Variants in DNAJC6 observed in about 807,000 individuals in gnomAD.
The protein encoded by DNAJC6 is auxilin.
A neutral mutation model predicts 110.0 loss-of-function variants in DNAJC6; 34 were observed. The ratio of observed to expected loss-of-function variants is 0.31; its 90% CI spans 0.24 to 0.41. The LOEUF is 0.41. Among genes scored for constraint, DNAJC6 ranks in the 10% least tolerant of loss-of-function variants. The probability of loss-of-function intolerance (pLI) is 1.00; values close to 1 mark genes in which losing one functional copy is unlikely to be tolerated. For synonymous variants in DNAJC6, 406 were observed against 437.2 expected, an observed-to-expected ratio of 0.93 and a Z score of 0.89; for missense variants, 1,031 against 1,207.8, an observed-to-expected ratio of 0.85 and a Z score of 2.17.
At chr1:65,342,439 AG>A (rs1374845686) in intron 1 of DNAJC6, among the ~76,000 whole-genome samples, 2 of 152,174 alleles carry the variant, frequency 1.3e-5, no homozygotes, top group Admixed American at 1.3e-4. Flanking sequence ...GGATACAGGG[AG>A]AAGATGGCCT....
At position 65,275,711 on chromosome 1, in the gene DNAJC6, C is replaced by T. The variant is rs74080373; in HGVS notation, c.-131+10779C>T. Among the ~76,000 whole-genome samples, 583 of 151,938 alleles carry T rather than the reference C, an allele frequency of 3.8e-3. 1 individual carries two copies. Among genetic ancestry groups the T allele is most frequent in the African/African-American group, 0.014 (561 of 41,440 alleles). The stretch of plus-strand genomic sequence containing the variant: ...GGTACCTTTATGTTAGAACTTTTTA[C>T]CCTGTCCCATATATTCCTTCATTTT... On this transcript the variant is annotated intron_variant, in intron 1 of 19. Transcript: ENST00000263441.
intron 1 of DNAJC6, among the ~76,000 whole-genome samples, chr1:65,274,083 T>A (rs138105901): frequency 6.6e-6 from 1 of 152,154 alleles, no homozygotes; most frequent in South Asian, 2.1e-4. Flanking sequence ...TTTAGATTTG[T>A]CTATTTTTCC....
rs1049786636 is a variant in DNAJC6 at position 65,309,545 on chromosome 1, G to T, written c.-201G>T. 1.7e-6 allele frequency: 2 copies of T among 1,191,738 alleles called. No individual in the cohort carries two copies. Among genetic ancestry groups the T allele is most frequent in the Non-Finnish European group, 2.1e-6 (2 of 965,016 alleles). The allele number at this position is 1,191,738 out of a possible 1,614,324, so 73.8% of individuals were successfully genotyped here. On this transcript the variant is annotated 5_prime_UTR_variant, in exon 1 of 19. Transcript: ENST00000371069. Reference sequence around the variant, plus strand: ...TCCCTCCCTCCTCCCGGCGCCCCGAGCCGAGCTCAGCCCAGGGCGGCGGCT... The same window carrying T: ...TCCCTCCCTCCTCCCGGCGCCCCGATCCGAGCTCAGCCCAGGGCGGCGGCT...
At position 65,392,861 on chromosome 1, in the gene DNAJC6, A is replaced by T. The variant is rs908774575; in HGVS notation, c.1899A>T (p.Gly633=). ...CTGCGTCTCCAACCCTAAGAGTGGG[A>T]GAAGGTAATTTTTTCTATGTTGCAC... ...STSASPTLRV[G]EGATFDPFGA... is the part of the protein sequence containing the mutation. Residue 633 remains glycine (G), a synonymous_variant, in exon 12 of 19, where the codon GGA becomes GGT. Coordinates refer to ENST00000371069, the MANE Select transcript of DNAJC6 (RefSeq NM_001256864.2). 6.6e-7 allele frequency: 1 copy of T among 1,511,326 alleles called. No homozygotes were observed. The allele number at this position is 1,511,326 out of a possible 1,614,324, so 93.6% of individuals were successfully genotyped here.
intron 4 of DNAJC6, among the ~76,000 whole-genome samples, chr1:65,368,414 C>T (rs1251956107): frequency 6.6e-6 from 1 of 152,120 alleles, no homozygotes; most frequent in Non-Finnish European, 1.5e-5. Flanking sequence ...CACACAGACA[C>T]ACACAATCTT....
In DNAJC6 at chr1:65,358,707, C is replaced by A. The variant is rs568304552; in HGVS notation, c.194-5928C>A. ...TGCCATGCCCTTCTGTACTTTTCTG[C>A]AAAATGATTTTAGTAGCTAACCATA... On this transcript the variant is annotated intron_variant, in intron 1 of 18. Transcript: ENST00000371069. 8.5e-4 allele frequency among the ~76,000 whole-genome samples: 129 copies of A among 152,256 alleles called. 1 individual carries two copies. The highest frequency in any genetic ancestry group is 2.8e-3 in the African/African-American group (117 of 41,564).
intron 1 of DNAJC6, among the ~76,000 whole-genome samples, chr1:65,334,835 AATG>A (rs1181219910): frequency 6.6e-6 from 1 of 152,164 alleles, no homozygotes; most frequent in Non-Finnish European, 1.5e-5. Flanking sequence ...CATGCTGTAA[AATG>A]ATGGTGGTGG....
At chr1:65,344,559 G>A (rs749654810) in intron 1 of DNAJC6, among the ~76,000 whole-genome samples, 52 of 152,066 alleles carry the variant, frequency 3.4e-4, no homozygotes, top group Non-Finnish European at 2.6e-4. Flanking sequence ...TCTTCATGTC[G>A]TTAAAGAAAT....
chr1:65,309,577 C>A lies in DNAJC6; in HGVS notation c.-169C>A. Reference sequence around the variant, plus strand: ...TCAGCCCAGGGCGGCGGCTTCGCCTCGCCCGGCGAAGCTTCTCTCCGGTGG... The same window carrying A: ...TCAGCCCAGGGCGGCGGCTTCGCCTAGCCCGGCGAAGCTTCTCTCCGGTGG... On this transcript the variant is annotated 5_prime_UTR_variant, in exon 1 of 19. Transcript: ENST00000371069. 7.8e-7 allele frequency: 1 copy of A among 1,282,956 alleles called. No homozygotes were observed. The highest frequency in any genetic ancestry group is 9.8e-7 in the Non-Finnish European group (1 of 1,017,886). The allele number at this position is 1,282,956 out of a possible 1,614,324, so 79.5% of individuals were successfully genotyped here.
chr1:65,303,728 TTTTG>T (rs888838922), intron 1 of DNAJC6, among the ~76,000 whole-genome samples: 45 of 152,154 alleles, frequency 3.0e-4, no homozygotes, highest in African/African-American at 8.4e-4. Context: ...CCAGCTAATT[TTTTG>T]TTTGTTTGTT....
intron 16 of DNAJC6, 118 bp from the exon 17 acceptor site, chr1:65,408,523 G>A: frequency 8.9e-7 from 1 of 1,124,410 alleles, no homozygotes; most frequent in Non-Finnish European, 1.3e-6. Context: ...GCAAGCATGA[G>A]GGTTAAGGAC....
chr1:65,282,137 C>T (rs868557383), intron 1 of DNAJC6, among the ~76,000 whole-genome samples: 20 of 152,240 alleles, frequency 1.3e-4, no homozygotes, highest in Admixed American at 4.6e-4. Flanking sequence ...TTTGCCCAGG[C>T]TCAAGTGAAC....
intron 1 of DNAJC6, among the ~76,000 whole-genome samples, chr1:65,293,154 C>G (rs543996481): frequency 6.6e-6 from 1 of 152,354 alleles, no homozygotes; most frequent in East Asian, 1.9e-4. Context: ...AAACAACACA[C>G]ACTTATATCT....
chr1:65,299,934 C>A (rs1644962353), intron 1 of DNAJC6, among the ~76,000 whole-genome samples: 1 of 151,572 alleles, frequency 6.6e-6, no homozygotes, highest in Admixed American at 6.6e-5. Flanking sequence ...TGCTTGTAAT[C>A]CCAGCCACTT....
chr1:65,363,416 G>T (rs368754976), intron 1 of DNAJC6, among the ~76,000 whole-genome samples: 3 of 118,652 alleles, frequency 2.5e-5, no homozygotes, highest in African/African-American at 8.4e-5. Context: ...TACAGACAGA[G>T]AGAGAGAGAG....
chr1:65,302,125 A>ATATGTATTATATAT (rs1557508056), intron 1 of DNAJC6, among the ~76,000 whole-genome samples: 15 of 20,718 alleles, frequency 7.2e-4, no homozygotes, highest in Middle Eastern at 0.018. Flanking sequence ...TATATATATA[A>ATATGTATTATATAT]AAAATATATA....
At chr1:65,330,463 T>A (rs1645277587) in intron 1 of DNAJC6, among the ~76,000 whole-genome samples, 1 of 152,170 alleles carries the variant, frequency 6.6e-6, no homozygotes, top group Non-Finnish European at 1.5e-5. Context: ...CTATTTCTTT[T>A]TTTTTTGTTT....
At chr1:65,328,292 G>T (rs530700817) in intron 1 of DNAJC6, among the ~76,000 whole-genome samples, 37 of 152,120 alleles carry the variant, frequency 2.4e-4, no homozygotes, top group South Asian at 6.2e-4. Context: ...CATAACTACA[G>T]TTTTATGTAA....
chr1:65,364,684 C>T lies in DNAJC6; in HGVS notation c.243C>T (p.Asp81=), dbSNP rs746167093. The T allele has an allele frequency of 1.2e-6, 2 of 1,610,300 alleles. No homozygotes were observed. The highest frequency in any genetic ancestry group is 2.2e-5 in the South Asian group (2 of 90,936). ...MEPSYGGGLF[D]MVKGGAGRLF... is the part of the protein sequence containing the mutation. ...CCAGCTATGGGGGAGGTCTCTTTGA[C>T]ATGGTAAAAGGAGGTGCAGGGAGGC... The change falls in exon 2 of 19, where the codon GAC becomes GAT. Residue 81 remains aspartate (D), a synonymous_variant. Coordinates refer to ENST00000371069, the MANE Select transcript of DNAJC6 (RefSeq NM_001256864.2).
Sources: allele counts gnomAD v4.1 joint callset (sites outside exome capture counted in the v4.1 genomes callset), GRCh38; gene constraint gnomAD v4.1.1; transcripts MANE v1.5; gene names NCBI Gene and HGNC (gene_info 2026-07-23, HGNC 2026-07-21).